Variants in POU6F2 observed in about 807,000 individuals in gnomAD.
The protein encoded by POU6F2 is POU domain, class 6, transcription factor 2.
In POU6F2, 31 loss-of-function variants were observed where a neutral mutation model predicts 71.3. The ratio of observed to expected loss-of-function variants is 0.43; its 90% confidence interval spans 0.33 to 0.59. The LOEUF (loss-of-function observed/expected upper bound fraction) is 0.59. Ranked by LOEUF, POU6F2 falls within the 20% of genes least tolerant of loss-of-function variation. The pLI is 0.04. For missense variants in POU6F2, 783 were observed against 856.8 expected, an observed-to-expected ratio of 0.91 and a Z score of 1.07; for synonymous variants, 347 against 355.7, an observed-to-expected ratio of 0.98 and a Z score of 0.27.
intron 5 of POU6F2, chr7:39,373,362 C>G (rs560382128): frequency 9.4e-5 from 42 of 446,470 alleles, no homozygotes; most frequent in South Asian, 5.6e-4. Context: ...ACCTACGAGG[C>G]TGACCAATGC....
At chr7:39,115,555 A>G (rs996516274) in intron 2 of POU6F2, among the ~76,000 whole-genome samples, 9 of 152,096 alleles carry the variant, frequency 5.9e-5, no homozygotes, top group African/African-American at 1.9e-4. Flanking sequence ...CTTGCCTACT[A>G]CATAAAGACT....
At chr7:39,231,336 A>T (rs1584614988) in intron 4 of POU6F2, among the ~76,000 whole-genome samples, 1 of 152,174 alleles carries the variant, frequency 6.6e-6, no homozygotes, top group South Asian at 2.1e-4. Flanking sequence ...TTAAGCAGGG[A>T]TGGAATTAAC....
At chr7:39,412,806 T>TTTTTTTTTTTTTTTTTTTTTTG in intron 6 of POU6F2, among the ~76,000 whole-genome samples, 1 of 104,164 alleles carries the variant, frequency 9.6e-6, no homozygotes, top group Non-Finnish European at 1.9e-5. Flanking sequence ...TTTTTTTTTT[T>TTTTTTTTTTTTTTTTTTTTTTG]TTTTTTTTTT....
chr7:39,129,624 TATAGATAG>T (rs3999864), intron 2 of POU6F2, among the ~76,000 whole-genome samples: 22,809 of 149,244 alleles, frequency 0.15, 2,170 homozygotes, highest in East Asian at 0.47. Flanking sequence ...ACAATAGATA[TATAGATAG>T]ATAGATAGAT....
Position 39,464,938 on chromosome 7 carries a change from G to T in POU6F2, c.*252G>T. ...ACAAGGAATACACCACACTGAAGGT[G>T]TGTGTGGTAGGATAGTTCCCTTCCC... On this transcript the variant is annotated 3_prime_UTR_variant, in exon 10 of 10. Coordinates refer to ENST00000518318, the MANE Select transcript of POU6F2 (RefSeq NM_001370959.1). The surrounding 1 kb of genome is among the most constrained non-coding windows in gnomAD (Gnocchi z 4.1). 1 of 499,162 alleles carries T rather than the reference G, an allele frequency of 2.0e-6. No individual in the cohort carries two copies. The highest frequency in any genetic ancestry group is 3.4e-5 in the East Asian group (1 of 29,508). The allele number at this position is 499,162 out of a possible 1,614,324, so 30.9% of individuals were successfully genotyped here. A position where few individuals can be genotyped will look rare whatever the true frequency, so the allele number is the denominator to read the frequency against.
At chr7:39,151,466 C>A (rs951726855) in intron 2 of POU6F2, among the ~76,000 whole-genome samples, 7 of 152,158 alleles carry the variant, frequency 4.6e-5, no homozygotes, top group Admixed American at 2.0e-4. Context: ...GCTGGGACCA[C>A]AAGTTCAAAT....
chr7:39,351,672 C>T (rs1454528628), intron 5 of POU6F2, among the ~76,000 whole-genome samples: 1 of 152,160 alleles, frequency 6.6e-6, no homozygotes, highest in Non-Finnish European at 1.5e-5. Flanking sequence ...CCAGAGCCCA[C>T]CCCAGATGCT....
chr7:39,094,821 T>C (rs1467510355), intron 2 of POU6F2, among the ~76,000 whole-genome samples: 1 of 152,024 alleles, frequency 6.6e-6, no homozygotes, highest in Non-Finnish European at 1.5e-5. Context: ...TGACCCAGGG[T>C]AAAGGAGAAT....
intron 2 of POU6F2, among the ~76,000 whole-genome samples, chr7:39,133,498 C>T (rs1370550452): frequency 6.6e-6 from 1 of 152,190 alleles, no homozygotes; most frequent in Admixed American, 6.5e-5. Flanking sequence ...ATTATGGGTT[C>T]GTTGGTGAAT....
At chr7:39,380,774 C>T (rs550328146) in intron 5 of POU6F2, among the ~76,000 whole-genome samples, 3 of 152,290 alleles carry the variant, frequency 2.0e-5, no homozygotes, top group South Asian at 4.2e-4. Context: ...CTTCTTGGTT[C>T]TCTTCACAGT....
Position 39,057,761 on chromosome 7 carries a change from G to A in POU6F2, c.106-28099G>A, listed in dbSNP as rs115038542. Among the ~76,000 whole-genome samples the A allele has an allele frequency of 8.6e-3, 1,316 of 152,172 alleles. 15 individuals are homozygous for A. Among genetic ancestry groups the A allele is most frequent in the African/African-American group, 0.029 (1,219 of 41,542 alleles). ...ATTTTAGTGTTTAATGTGAGGTAAG[G>A]CTTTTCAGTTGACAGTTCTCCAAGT... On this transcript the variant is annotated intron_variant, in intron 1 of 9. Coordinates refer to ENST00000518318, the MANE Select transcript of POU6F2 (RefSeq NM_001370959.1).
intron 4 of POU6F2, among the ~76,000 whole-genome samples, chr7:39,259,024 T>C (rs964072925): frequency 6.6e-6 from 1 of 152,222 alleles, no homozygotes; most frequent in Non-Finnish European, 1.5e-5. Context: ...AGAAATTGCT[T>C]CAGGGCCTGA....
intron 1 of POU6F2, among the ~76,000 whole-genome samples, chr7:39,079,552 A>G (rs1379816494): frequency 1.3e-5 from 2 of 152,108 alleles, no homozygotes; most frequent in African/African-American, 4.8e-5. Flanking sequence ...AGAGCAATTC[A>G]TGGTCCTGCC....
At chr7:39,119,628 G>A (rs1792001490) in intron 2 of POU6F2, among the ~76,000 whole-genome samples, 1 of 152,172 alleles carries the variant, frequency 6.6e-6, no homozygotes, top group Non-Finnish European at 1.5e-5. Context: ...CAGGCATGGA[G>A]GGGAACTAAA....
chr7:38,999,041 T>C (rs997508045), intron 1 of POU6F2, among the ~76,000 whole-genome samples: 2 of 151,976 alleles, frequency 1.3e-5, no homozygotes, highest in African/African-American at 4.8e-5. Context: ...CAATTATGCT[T>C]AATGACTCAA....
chr7:39,187,940 A>G (rs188093251), intron 2 of POU6F2, among the ~76,000 whole-genome samples: 102 of 152,330 alleles, frequency 6.7e-4, no homozygotes, highest in Non-Finnish European at 1.1e-3. Context: ...AGGTTCCACT[A>G]AAGTGTCGCC....
rs79188710 is a variant in POU6F2, at chr7:39,075,841, C to T, written c.106-10019C>T. Reference sequence around the variant, plus strand: ...CTGCCTTTGCTTTGTTGGACTAATCCCCGGACTAGCTTGGTAGTAGCTCTT... The same window carrying T: ...CTGCCTTTGCTTTGTTGGACTAATCTCCGGACTAGCTTGGTAGTAGCTCTT... On this transcript the variant is annotated intron_variant, in intron 1 of 9. Coordinates refer to ENST00000518318, the MANE Select transcript of POU6F2 (RefSeq NM_001370959.1). Among the ~76,000 whole-genome samples, 87 of 152,332 alleles carry T rather than the reference C, an allele frequency of 5.7e-4. 4 individuals are homozygous for T. The East Asian group carries it at 0.016, about 29-fold the overall frequency.
chr7:39,183,425 T>C (rs1300637400), intron 2 of POU6F2, among the ~76,000 whole-genome samples: 2 of 152,122 alleles, frequency 1.3e-5, no homozygotes, highest in Non-Finnish European at 2.9e-5. Flanking sequence ...AGACAGTTCT[T>C]ATGTAACAGG....
chr7:39,314,588 TG>T (rs1785227676), intron 4 of POU6F2, among the ~76,000 whole-genome samples: 2 of 152,270 alleles, frequency 1.3e-5, no homozygotes, highest in Admixed American at 6.5e-5. Context: ...AATCATGTTT[TG>T]TAAGGCTATT....
Sources: gnomAD v4.1 joint callset for allele counts (sites outside exome capture counted in the v4.1 genomes callset) on GRCh38, gnomAD v4.1.1 for gene constraint, Gnocchi (gnomAD v3.1) non-coding constraint, MANE v1.5 for transcripts, NCBI Gene and HGNC (gene_info 2026-07-23, HGNC 2026-07-21) for gene names.